SEMA7A: variants seen among roughly 807,000 people sequenced by gnomAD.
SEMA7A encodes the protein semaphorin 7A (JohnMiltonHagen blood group).
Under a neutral mutation model 67.5 loss-of-function variants are expected in SEMA7A, and 21 were observed. That is an observed-to-expected ratio of 0.31 (90% CI 0.22 to 0.45). The LOEUF (loss-of-function observed/expected upper bound fraction) is 0.45, where lower values mean the gene tolerates loss of function less well. Among genes scored for constraint, SEMA7A ranks in the 20% least tolerant of loss-of-function variants. The pLI is 1.00. For missense variants in SEMA7A, 774 were observed against 908.6 expected (o/e 0.85, Z 1.90); for synonymous variants, 364 against 368.5 (o/e 0.99, Z 0.14).
At chr15:74,429,011 G>A (rs761210118) in intron 1 of SEMA7A, among the ~76,000 whole-genome samples, 7 of 152,162 alleles carry the variant, frequency 4.6e-5, no homozygotes, top group Non-Finnish European at 1.0e-4. Flanking sequence ...CCATACACCT[G>A]GTGGCTGGCC....
chr15:74,419,660 G>C (rs1208251039), intron 1 of SEMA7A, among the ~76,000 whole-genome samples: 2 of 152,188 alleles, frequency 1.3e-5, no homozygotes, highest in Non-Finnish European at 2.9e-5. Flanking sequence ...CCCTGAACCA[G>C]AGCCTGCACT....
Position 74,411,395 on chromosome 15 carries a change from G to A in SEMA7A, c.1578-39C>T. 3 of 1,608,064 alleles carry A rather than the reference G, an allele frequency of 1.9e-6. No individual in the cohort carries two copies. The highest frequency in any genetic ancestry group is 2.6e-6 in the Non-Finnish European group (3 of 1,176,272). On this transcript the variant is annotated intron_variant, in intron 12 of 13. Coordinates refer to ENST00000261918, the MANE Select transcript of SEMA7A (RefSeq NM_003612.5). The surrounding 1 kb of genome is among the most constrained non-coding windows in gnomAD (Gnocchi z 4.4). ...GACGAAAGAGGATCAGCAGATACAA[G>A]GCTGCAGACCTGACCCTCCTATCCT...
At chr15:74,424,496 A>C (rs2061026482) in intron 1 of SEMA7A, among the ~76,000 whole-genome samples, 1 of 152,182 alleles carries the variant, frequency 6.6e-6, no homozygotes, top group Admixed American at 6.5e-5. Flanking sequence ...CCCTGCAAAG[A>C]AGGCAGGACA....
At chr15:74,430,696 C>G (rs1364785374) in intron 1 of SEMA7A, among the ~76,000 whole-genome samples, 1 of 152,126 alleles carries the variant, frequency 6.6e-6, no homozygotes, top group African/African-American at 2.4e-5. Context: ...CGGGGAATTG[C>G]CCCCCCACCA....
In SEMA7A at chr15:74,414,984, G is replaced by C; in HGVS notation, c.987-38C>G. 3 of 1,553,544 alleles carry C rather than the reference G, an allele frequency of 1.9e-6. No individual in the cohort carries two copies. Among genetic ancestry groups the C allele is most frequent in the Non-Finnish European group, 2.7e-6 (3 of 1,128,414 alleles). Reference sequence around the variant, plus strand: ...GGAGACCAGCTCAATGGGGGGCCCAGAACCCACCCATCCACCTCCACTCAC... The same window carrying C: ...GGAGACCAGCTCAATGGGGGGCCCACAACCCACCCATCCACCTCCACTCAC... On this transcript the variant is annotated intron_variant, in intron 8 of 13. Transcript: ENST00000261918. The surrounding 1 kb of genome is among the most constrained non-coding windows in gnomAD (Gnocchi z 4.1).
intron 10 of SEMA7A, among the ~76,000 whole-genome samples, chr15:74,413,250 T>C (rs1463372194): frequency 2.0e-5 from 3 of 152,230 alleles, no homozygotes; most frequent in African/African-American, 7.2e-5. Flanking sequence ...CAGCATACCC[T>C]TGGCAAAATT....
In SEMA7A at chr15:74,409,392, T is replaced by G. The variant is rs996047826; in HGVS notation, c.*1232A>C. The G allele has an allele frequency of 3.3e-5, 5 of 152,338 alleles. No homozygotes were observed. The highest frequency in any genetic ancestry group is 9.6e-5 in the African/African-American group (4 of 41,464). The allele number at this position is 152,338 out of a possible 1,614,324, so 9.4% of individuals were successfully genotyped here. ...AGGCCACTGGCCCCAGCCACTGCCC[T>G]GGGTGGCCAGACACAGCCGGAGAAG... On this transcript the variant is annotated 3_prime_UTR_variant, in exon 14 of 14. Transcript: ENST00000261918.
Position 74,428,102 on chromosome 15 carries a change from C to T in SEMA7A, c.178+5639G>A, listed in dbSNP as rs28362874. Among the ~76,000 whole-genome samples, 231 of 152,382 alleles carry T rather than the reference C, an allele frequency of 1.5e-3. 2 individuals are homozygous for T. Among genetic ancestry groups the T allele is most frequent in the African/African-American group, 5.0e-3 (207 of 41,586 alleles). On this transcript the variant is annotated intron_variant, in intron 1 of 13. Transcript: ENST00000261918. ...GAGCCGGGACACAGATCAACCTGTC[C>T]TTGGGACCTGAGGCCCAACCCACCT...
In SEMA7A at chr15:74,417,637, G is replaced by C; in HGVS notation, c.504C>G (p.Gly168=). ...GTVVPLGEMR[G]YAPFSPDENS... Reference sequence around the variant, plus strand: ...TCTCGTCCGGGCTGAAGGGGGCGTAGCCTCTCATCTCGCCAAGTGGCACCA... The same window carrying C: ...TCTCGTCCGGGCTGAAGGGGGCGTACCCTCTCATCTCGCCAAGTGGCACCA... Residue 168 remains glycine (G), a synonymous_variant, in exon 5 of 14, where the codon GGC becomes GGG. Coordinates refer to ENST00000261918, the MANE Select transcript of SEMA7A (RefSeq NM_003612.5). 1 of 1,612,656 alleles carries C rather than the reference G, an allele frequency of 6.2e-7. No homozygotes were observed. Among genetic ancestry groups the C allele is most frequent in the Non-Finnish European group, 8.5e-7 (1 of 1,179,906 alleles).
At chr15:74,415,689 G>T in intron 8 of SEMA7A, 112 bp downstream of exon 8, 1 of 1,091,206 alleles carries the variant, frequency 9.2e-7, no homozygotes, top group Non-Finnish European at 1.3e-6. Flanking sequence ...TCTTGAGCCT[G>T]CAGCCCCTGC....
At position 74,416,701 on chromosome 15, in the gene SEMA7A, G is replaced by C. The variant is rs1232402733; in HGVS notation, c.675C>G (p.Ile225Met). The change falls in exon 7 of 14, where the codon ATC becomes ATG. Residue 225 changes from isoleucine to methionine, a missense_variant. Physicochemically the swap from Ile to Met is conservative, Grantham distance 10 (BLOSUM62 1). Around this residue, in one of 2 missense-constraint regions of SEMA7A, gnomAD observed 347 missense variants for 353.2 expected, o/e 0.98. Coordinates refer to ENST00000261918, the MANE Select transcript of SEMA7A (RefSeq NM_003612.5). Reference sequence around the variant, plus strand: ...GGTCTTGGTGCACGATGGTGGCTTTGATGAACTGTGGGTCTGCCAGGGACA... The same window carrying C: ...GGTCTTGGTGCACGATGGTGGCTTTCATGAACTGTGGGTCTGCCAGGGACA... ...SDTVMQNPQF[I>M]KATIVHQDQA... is the part of the protein sequence containing the mutation. 2.7e-5 allele frequency: 44 copies of C among 1,614,098 alleles called. No individual in the cohort carries two copies. The highest frequency in any genetic ancestry group is 3.6e-5 in the Non-Finnish European group (42 of 1,179,974).
intron 10 of SEMA7A, among the ~76,000 whole-genome samples, chr15:74,412,917 A>G (rs1252084486): frequency 6.6e-6 from 1 of 152,156 alleles, no homozygotes; most frequent in Non-Finnish European, 1.5e-5. Flanking sequence ...CCTGCCTCCT[A>G]GACCAATGCT....
rs371195210 is a variant in SEMA7A at position 74,432,691 on chromosome 15, G to C, written c.178+1050C>G. On this transcript the variant is annotated intron_variant, in intron 1 of 13. Coordinates refer to ENST00000261918, the MANE Select transcript of SEMA7A (RefSeq NM_003612.5). ...CTGCCAAAGGCATCAAAAGGCTCCCGGTGGGGCCAGACCCGACCAGTTCCC... is the reference window on the plus strand; with the variant it reads ...CTGCCAAAGGCATCAAAAGGCTCCCCGTGGGGCCAGACCCGACCAGTTCCC... Among the ~76,000 whole-genome samples, 62 of 152,236 alleles carry C rather than the reference G, an allele frequency of 4.1e-4. No individual in the cohort carries two copies. The East Asian group carries it at 0.011, about 28-fold the overall frequency.
chr15:74,415,850 T>G lies in SEMA7A; in HGVS notation c.937A>C (p.Ser313Arg). Reference protein sequence around the residue: ...LQDVFLLPDPSGQWRDTRVYG... With the variant: ...LQDVFLLPDPRGQWRDTRVYG... ...ACCCTGGTGTCCCTCCACTGGCCGC[T>G]GGGGTCAGGGAGCAGGAAGACGTCT... The change falls in exon 8 of 14, where the codon AGC (serine) becomes CGC (arginine). Residue 313 changes from serine (S) to arginine (R), a missense_variant. This residue lies in a region of SEMA7A where 427 missense variants were observed against 555.4 expected (regional missense o/e 0.77). Transcript: ENST00000261918. The G allele has an allele frequency of 6.2e-7, 1 of 1,613,996 alleles. No homozygotes were observed. The highest frequency in any genetic ancestry group is 8.5e-7 in the Non-Finnish European group (1 of 1,179,934).
chr15:74,417,303 C>T, intron 6 of SEMA7A, 32 bp downstream of exon 6: 1 of 1,567,528 alleles, frequency 6.4e-7, no homozygotes. Context: ...CACCCCCTTG[C>T]CCACCCTCAG....
Position 74,416,685 on chromosome 15 carries a change from G to A in SEMA7A, c.691C>T (p.His231Tyr). ...NPQFIKATIV[H>Y]QDQAYDDKIY... The stretch of plus-strand genomic sequence containing the variant: ...TTGTCATCGTAAGCCTGGTCTTGGT[G>A]CACGATGGTGGCTTTGATGAACTGT... The change falls in exon 7 of 14, where the codon CAC (histidine) becomes TAC (tyrosine). Residue 231 changes from histidine (H) to tyrosine (Y), a missense_variant. Physicochemically the swap from His to Tyr is moderately conservative, Grantham distance 83. Coordinates refer to ENST00000261918, the MANE Select transcript of SEMA7A (RefSeq NM_003612.5). 1 of 1,614,134 alleles carries A rather than the reference G, an allele frequency of 6.2e-7. No individual in the cohort carries two copies. The highest frequency in any genetic ancestry group is 8.5e-7 in the Non-Finnish European group (1 of 1,179,992).
At chr15:74,433,629 G>C in intron 1 of SEMA7A, 112 bp downstream of exon 1, 16 of 1,293,594 alleles carry the variant, frequency 1.2e-5, no homozygotes, top group Non-Finnish European at 1.6e-5. Context: ...CGCGGGGACA[G>C]CCCGGGACCC....
chr15:74,417,736 G>C, intron 4 of SEMA7A, 61 bp from the exon 5 acceptor site: 1 of 1,555,266 alleles, frequency 6.4e-7, no homozygotes, highest in East Asian at 2.3e-5. Context: ...CTCCCATGAC[G>C]GCCAGTTTCT....
chr15:74,413,785 C>T (rs2060921751), intron 10 of SEMA7A, among the ~76,000 whole-genome samples: 2 of 152,158 alleles, frequency 1.3e-5, no homozygotes, highest in South Asian at 2.1e-4. Context: ...GAAGCAGCAA[C>T]AGGAGATCAC....
Sources: allele counts gnomAD v4.1 joint callset (sites outside exome capture counted in the v4.1 genomes callset), GRCh38; gene constraint gnomAD v4.1.1; regional missense constraint gnomAD v4.1.1; non-coding constraint Gnocchi (gnomAD v3.1); transcripts MANE v1.5; gene names NCBI Gene and HGNC (gene_info 2026-07-23, HGNC 2026-07-21).